CORO7: variants seen among roughly 807,000 people sequenced by gnomAD.
CORO7 encodes coronin 7, also known as coronin-7.
Under a neutral mutation model 126.6 loss-of-function variants are expected in CORO7, and 107 were observed. That is an observed-to-expected ratio of 0.85 (90% CI 0.72 to 0.99). The LOEUF is 0.99. Ranked by LOEUF, CORO7 falls within the 50% of genes least tolerant of loss-of-function variation. CORO7 has a pLI of 0.00. For synonymous variants in CORO7, 603 were observed against 536.8 expected (o/e 1.12, Z -1.70); for missense variants, 1,314 against 1,255.8 (o/e 1.05, Z -0.70).
At chr16:4,368,734 T>G (rs1193086451) in intron 9 of CORO7, among the ~76,000 whole-genome samples, 7 of 123,838 alleles carry the variant, frequency 5.7e-5, no homozygotes, top group Admixed American at 3.9e-4. Context: ...GGCAACAGAG[T>G]GAGACTCCAT....
At position 4,360,696 on chromosome 16, in the gene CORO7, T is replaced by G. The variant is rs536826228; in HGVS notation, c.1918-148A>C. ...CACTGCTGGTCTTGCCTCTCCTCAC[T>G]GCTGGCCCCCCTCTCCTCACTGCTG... On this transcript the variant is annotated intron_variant, in intron 19 of 27. Transcript: ENST00000251166. 189 of 1,291,248 alleles carry G rather than the reference T, an allele frequency of 1.5e-4. 1 individual carries two copies. In the African/African-American group the frequency reaches 2.4e-3, roughly 16 times the overall value. 80.0% of individuals were successfully genotyped at this position (1,291,248 alleles called of 1,614,324 possible). A position where few individuals can be genotyped will look rare whatever the true frequency, so the allele number is the denominator to read the frequency against.
At chr16:4,409,680 T>C (rs1360527061) in intron 3 of CORO7, among the ~76,000 whole-genome samples, 1 of 152,196 alleles carries the variant, frequency 6.6e-6, no homozygotes, top group Non-Finnish European at 1.5e-5. Flanking sequence ...GCTGCTGCCT[T>C]TTCCCACTGG....
In CORO7 at chr16:4,359,460, C is replaced by T. The variant is rs750090306; in HGVS notation, c.2250+20G>A. On this transcript the variant is annotated intron_variant, in intron 22 of 27. Coordinates refer to ENST00000251166, the MANE Select transcript of CORO7 (RefSeq NM_024535.5). ...CCCCACCACCTCTCACCTGCCATCC[C>T]GCCCTCCAGCCCAGCCCACCTTGCC... 5.8e-5 allele frequency: 94 copies of T among 1,613,366 alleles called. No individual in the cohort carries two copies. The highest frequency in any genetic ancestry group is 2.9e-4 in the South Asian group (26 of 91,086).
chr16:4,410,168 T>C (rs2056149531), intron 3 of CORO7, among the ~76,000 whole-genome samples: 1 of 152,186 alleles, frequency 6.6e-6, no homozygotes, highest in South Asian at 2.1e-4. Context: ...CTCATGCCTA[T>C]AATCTCAGCA....
Position 4,412,420 on chromosome 16 carries a change from G to T in CORO7, c.168C>A (p.Gly56=). The T allele has an allele frequency of 6.2e-7, 1 of 1,614,194 alleles. No individual in the cohort carries two copies. Among genetic ancestry groups the T allele is most frequent in the Non-Finnish European group, 8.5e-7 (1 of 1,180,032 alleles). The change falls in exon 3 of 28, where the codon GGC becomes GGA. Residue 56 remains glycine, a synonymous_variant. Transcript: ENST00000251166. ...AFNSDRPGVL[G]IVPLQGQGED... ...CTCCTTGGCCTTGCAGAGGCACAAT[G>T]CCCAGTACACCTGTTAAACAAACAC...
chr16:4,365,386 G>A lies in CORO7; in HGVS notation c.840+105C>T, dbSNP rs2054316554. 1.5e-5 allele frequency: 23 copies of A among 1,488,408 alleles called. No individual in the cohort carries two copies. In the South Asian group the frequency reaches 2.7e-4, roughly 17 times the overall value. 92.2% of individuals were successfully genotyped at this position (1,488,408 alleles called of 1,614,324 possible). The stretch of plus-strand genomic sequence containing the variant: ...AGCTACAGTCACCTTGGCTGCACAG[G>A]GGAAGACACAGAGGCCCTGTTCGAG... On this transcript the variant is annotated intron_variant, in intron 10 of 27. Coordinates refer to ENST00000251166, the MANE Select transcript of CORO7 (RefSeq NM_024535.5).
At chr16:4,357,088 GGGAT>G in intron 26 of CORO7, 76 bp downstream of exon 26, 1 of 1,564,176 alleles carries the variant, frequency 6.4e-7, no homozygotes, top group Non-Finnish European at 8.7e-7. Context: ...GTCTGGGTTG[GGGAT>G]GGAGAACTAA....
intron 6 of CORO7, among the ~76,000 whole-genome samples, chr16:4,398,733 G>T (rs1232886048): frequency 6.6e-6 from 1 of 152,102 alleles, no homozygotes; most frequent in South Asian, 2.1e-4. Context: ...ACTTGGGGAG[G>T]CCAAGGCGGG....
chr16:4,398,237 A>AAT (rs1251055509), intron 6 of CORO7, among the ~76,000 whole-genome samples: 1 of 152,174 alleles, frequency 6.6e-6, no homozygotes, highest in Admixed American at 6.5e-5. Flanking sequence ...ACATTTTAAA[A>AAT]ATATATATAT....
At position 4,393,450 on chromosome 16, in the gene CORO7, C is replaced by T. The variant is rs571029539; in HGVS notation, c.615+1839G>A. Among the ~76,000 whole-genome samples the T allele has an allele frequency of 6.6e-5, 10 of 152,332 alleles. No individual in the cohort carries two copies. The South Asian group carries it at 2.1e-3, about 32-fold the overall frequency. The stretch of plus-strand genomic sequence containing the variant: ...ACGACCAGGGTGTGGCCAAAACCAC[C>T]CTGCCTGGCTAGTTTCACTGCTTAA... On this transcript the variant is annotated intron_variant, in intron 7 of 27. Coordinates refer to ENST00000251166, the MANE Select transcript of CORO7 (RefSeq NM_024535.5).
intron 9 of CORO7, among the ~76,000 whole-genome samples, chr16:4,370,819 C>CG (rs1243827261): frequency 6.6e-6 from 1 of 152,070 alleles, no homozygotes; most frequent in Non-Finnish European, 1.5e-5. Context: ...CCTTCAGGCC[C>CG]CCCAAAGACT....
chr16:4,380,988 C>A (rs142581030), intron 9 of CORO7: 3 of 1,607,660 alleles, frequency 1.9e-6, no homozygotes, highest in Admixed American at 3.4e-5. Flanking sequence ...AGACAGTCTT[C>A]TGCACTGCCC....
chr16:4,404,487 GGA>G (rs1302779477), intron 6 of CORO7, among the ~76,000 whole-genome samples: 1 of 152,092 alleles, frequency 6.6e-6, no homozygotes, highest in Non-Finnish European at 1.5e-5. Context: ...CAAACAAACG[GGA>G]CCTTTTCACC....
chr16:4,402,465 T>C (rs2055846838), intron 6 of CORO7, among the ~76,000 whole-genome samples: 1 of 151,338 alleles, frequency 6.6e-6, no homozygotes, highest in South Asian at 2.1e-4. Context: ...CGGGCTGATC[T>C]TGAACTCCTG....
chr16:4,381,861 C>T, intron 9 of CORO7: 1 of 1,603,140 alleles, frequency 6.2e-7, no homozygotes, highest in Non-Finnish European at 8.5e-7. Flanking sequence ...AGACGCGCTG[C>T]CACTTCCCGC....
chr16:4,409,414 C>G (rs1171192012), intron 3 of CORO7, among the ~76,000 whole-genome samples: 2 of 152,322 alleles, frequency 1.3e-5, no homozygotes, highest in South Asian at 2.1e-4. Context: ...CACAGGCGGG[C>G]TGGCATCTCA....
intron 3 of CORO7, among the ~76,000 whole-genome samples, chr16:4,411,680 C>T (rs1318192002): frequency 7.9e-5 from 12 of 152,092 alleles, no homozygotes; most frequent in Admixed American, 7.9e-4. Context: ...CGACCCTGCA[C>T]ACCCAGCCTG....
In CORO7 at chr16:4,413,423, G is replaced by T. The variant is rs933375942; in HGVS notation, c.61-19C>A. On this transcript the variant is annotated intron_variant, in intron 1 of 27. Coordinates refer to ENST00000251166, the MANE Select transcript of CORO7 (RefSeq NM_024535.5). ...TCCAGGACTGAAAATCAAGAGTAAA[G>T]AAGTATGTGGTGAGAGCCAGGGTTC... 6.4e-7 allele frequency: 1 copy of T among 1,555,994 alleles called. No individual in the cohort carries two copies. Among genetic ancestry groups the T allele is most frequent in the Non-Finnish European group, 8.7e-7 (1 of 1,148,636 alleles).
At chr16:4,364,070 C>T (rs1463283298) in intron 14 of CORO7, among the ~76,000 whole-genome samples, 1 of 152,098 alleles carries the variant, frequency 6.6e-6, no homozygotes, top group Non-Finnish European at 1.5e-5. Context: ...CCTGTAATCC[C>T]AGCTACTCGG....
Sources: gnomAD v4.1 joint callset for allele counts (sites outside exome capture counted in the v4.1 genomes callset) on GRCh38, gnomAD v4.1.1 for gene constraint, MANE v1.5 for transcripts, NCBI Gene and HGNC (gene_info 2026-07-23, HGNC 2026-07-21) for gene names.